The following IL17RD variants were observed in gnomAD, a reference collection of about 807,000 sequenced individuals.
The protein encoded by IL17RD is interleukin-17 receptor D.
In IL17RD, 52 loss-of-function variants were observed where a neutral mutation model predicts 80.5. The ratio of observed to expected loss-of-function variants is 0.65; its 90% CI spans 0.52 to 0.81. The LOEUF is 0.81. Ranked by LOEUF, IL17RD falls within the 40% of genes least tolerant of loss-of-function variation. IL17RD has a pLI of 0.00. For synonymous variants in IL17RD, 416 were observed against 391.8 expected (o/e 1.06, Z -0.73); for missense variants, 1,024 against 955.1 (o/e 1.07, Z -0.95).
intron 1 of IL17RD, among the ~76,000 whole-genome samples, chr3:57,128,973 A>AT (rs1266201726): frequency 6.6e-6 from 1 of 152,092 alleles, no homozygotes; most frequent in Non-Finnish European, 1.5e-5. Context: ...GGATTGTTCC[A>AT]TTTTTCCAAT....
chr3:57,120,015 AAC>A (rs1707299224), intron 2 of IL17RD, among the ~76,000 whole-genome samples: 1 of 152,194 alleles, frequency 6.6e-6, no homozygotes, highest in Non-Finnish European at 1.5e-5. Context: ...AACCCCAAGG[AAC>A]ACAGGGAAAG....
At chr3:57,113,291 G>A (rs748627228) in intron 3 of IL17RD, among the ~76,000 whole-genome samples, 8 of 152,098 alleles carry the variant, frequency 5.3e-5, no homozygotes, top group Non-Finnish European at 1.0e-4. Flanking sequence ...AGGCTGGAGC[G>A]CAATGGTGCG....
At chr3:57,127,305 A>T (rs71310002) in intron 1 of IL17RD, among the ~76,000 whole-genome samples, 16,516 of 68,286 alleles carry the variant, frequency 0.24, 2,834 homozygotes, top group Non-Finnish European at 0.28. Flanking sequence ...AATATATATA[A>T]AAATATATAA....
At chr3:57,100,112 G>A (rs549179409) in intron 11 of IL17RD, among the ~76,000 whole-genome samples, 37 of 152,358 alleles carry the variant, frequency 2.4e-4, no homozygotes, top group African/African-American at 8.7e-4. Context: ...ATAACTGGAA[G>A]AGCGTTTTCC....
intron 1 of IL17RD, among the ~76,000 whole-genome samples, chr3:57,140,694 G>A (rs746031979): frequency 3.9e-5 from 6 of 152,198 alleles, no homozygotes; most frequent in Non-Finnish European, 7.3e-5. Context: ...AAGCTGAGGT[G>A]TGGTCATCTC....
chr3:57,117,218 A>G (rs1707236733), intron 2 of IL17RD, among the ~76,000 whole-genome samples: 1 of 151,970 alleles, frequency 6.6e-6, no homozygotes, highest in Non-Finnish European at 1.5e-5. Flanking sequence ...GGTTCAAGCA[A>G]TTCTCCTGTC....
At chr3:57,115,941 T>C (rs749495277) in intron 2 of IL17RD, among the ~76,000 whole-genome samples, 113 of 152,260 alleles carry the variant, frequency 7.4e-4, no homozygotes, top group Admixed American at 1.9e-3. Flanking sequence ...CATTTCCCAT[T>C]TTTATGACTA....
In IL17RD at chr3:57,127,375, T is replaced by C. The variant is rs55805803; in HGVS notation, c.127-7062A>G. Among the ~76,000 whole-genome samples, 2 of 75,406 alleles carry C rather than the reference T, an allele frequency of 2.7e-5. 1 individual carries two copies. Among genetic ancestry groups the C allele is most frequent in the African/African-American group, 1.4e-4 (2 of 14,748 alleles). 49.5% of individuals were successfully genotyped at this position (75,406 alleles called of 152,430 possible). On this transcript the variant is annotated intron_variant, in intron 1 of 12. Coordinates refer to ENST00000296318, the MANE Select transcript of IL17RD (RefSeq NM_017563.5). ...ATATATATAAATATAAATATATATA[T>C]ATAAATAAATAAATAAATAAATATA... is the stretch of plus-strand genomic sequence containing the variant.
At chr3:57,105,552 A>AAAAAAAAAAATATATATATATAT in intron 7 of IL17RD, among the ~76,000 whole-genome samples, 3 of 63,588 alleles carry the variant, frequency 4.7e-5, no homozygotes, top group African/African-American at 2.8e-4. Flanking sequence ...AAAAAAAAAA[A>AAAAAAAAAAATATATATATATAT]ATATATATAT....
intron 1 of IL17RD, among the ~76,000 whole-genome samples, chr3:57,141,963 C>A (rs1357579755): frequency 6.6e-6 from 1 of 152,074 alleles, no homozygotes; most frequent in Non-Finnish European, 1.5e-5. Context: ...GGAAGCAGAA[C>A]AGAGGAACAA....
chr3:57,097,019 AAAGTC>A (rs1706693942), intron 12 of IL17RD, among the ~76,000 whole-genome samples: 1 of 151,974 alleles, frequency 6.6e-6, no homozygotes, highest in South Asian at 2.1e-4. Flanking sequence ...AAAAAAAAAA[AAAGTC>A]AAGGGTTTGT....
chr3:57,167,473 G>C (rs1002189471), upstream of IL17RD, among the ~76,000 whole-genome samples: 1 of 152,150 alleles, frequency 6.6e-6, no homozygotes, highest in Non-Finnish European at 1.5e-5. Flanking sequence ...AGAGTCAGGG[G>C]TGCCAGGGGC....
chr3:57,129,032 C>T (rs1319009621), intron 1 of IL17RD, among the ~76,000 whole-genome samples: 1 of 152,114 alleles, frequency 6.6e-6, no homozygotes, highest in Admixed American at 6.5e-5. Flanking sequence ...GGACAGAGAG[C>T]CAGACCTTTC....
At chr3:57,114,605 T>G in intron 3 of IL17RD, 87 bp downstream of exon 3, 1 of 1,295,332 alleles carries the variant, frequency 7.7e-7, no homozygotes, top group Non-Finnish European at 1.0e-6. Flanking sequence ...AAGACCTGCC[T>G]GGTTCCTGGA....
intron 1 of IL17RD, among the ~76,000 whole-genome samples, chr3:57,149,486 G>A (rs918823973): frequency 2.0e-4 from 30 of 152,102 alleles, no homozygotes; most frequent in South Asian, 2.1e-4. Context: ...AAAGTACCAC[G>A]GTGTGCATCC....
At chr3:57,169,099 T>C, upstream of IL17RD, 2 of 392,290 alleles carry the variant, frequency 5.1e-6, no homozygotes, top group South Asian at 3.8e-5. Flanking sequence ...GAAGCTGAGC[T>C]AAAATGAGGG....
At chr3:57,157,141 A>G (rs921281473) in intron 1 of IL17RD, among the ~76,000 whole-genome samples, 5 of 152,134 alleles carry the variant, frequency 3.3e-5, no homozygotes, top group African/African-American at 1.2e-4. Flanking sequence ...CAGAGCAAAA[A>G]GCCAGAGATA....
chr3:57,114,099 G>A lies in IL17RD; in HGVS notation c.310+593C>T, dbSNP rs529809644. Among the ~76,000 whole-genome samples, 6 of 151,544 alleles carry A rather than the reference G, an allele frequency of 4.0e-5. No individual in the cohort carries two copies. In the East Asian group the frequency reaches 9.8e-4, roughly 25 times the overall value. On this transcript the variant is annotated intron_variant, in intron 3 of 12. Coordinates refer to ENST00000296318, the MANE Select transcript of IL17RD (RefSeq NM_017563.5). ...CTCGGGCAGCTGAGGCAGGAGAATC[G>A]CTTGAAACTGGAAGGCGGAAGTTGC...
At chr3:57,133,660 G>T (rs1707660222) in intron 1 of IL17RD, among the ~76,000 whole-genome samples, 1 of 152,146 alleles carries the variant, frequency 6.6e-6, no homozygotes, top group South Asian at 2.1e-4. Context: ...AGGAATTAAG[G>T]TCTCCCTGCA....
Sources: gnomAD v4.1 joint callset for allele counts (sites outside exome capture counted in the v4.1 genomes callset) on GRCh38, gnomAD v4.1.1 for gene constraint, MANE v1.5 for transcripts, NCBI Gene and HGNC (gene_info 2026-07-23, HGNC 2026-07-21) for gene names.